FANCE: variants seen among roughly 807,000 people sequenced by gnomAD.
The protein encoded by FANCE is Fanconi anemia group E protein.
In FANCE, 42 loss-of-function variants were observed where a neutral mutation model predicts 57.8. The observed-to-expected ratio is 0.73, with a 90% confidence interval of 0.57 to 0.94. FANCE has a LOEUF of 0.94. FANCE is among the 40% of genes least tolerant of loss of function. FANCE has a pLI of 0.00. For missense variants in FANCE, 608 were observed against 661.8 expected (o/e 0.92, Z 0.89); for synonymous variants, 251 against 286.4 (o/e 0.88, Z 1.25).
In FANCE at chr6:35,466,651, C is replaced by G. The variant is rs1400110700; in HGVS notation, c.*306C>G. 4 of 437,200 alleles carry G rather than the reference C, an allele frequency of 9.1e-6. No individual in the cohort carries two copies. Among genetic ancestry groups the G allele is most frequent in the Admixed American group, 3.6e-5 (1 of 27,588 alleles). The allele number at this position is 437,200 out of a possible 1,614,324, so 27.1% of individuals were successfully genotyped here. A position where few individuals can be genotyped will look rare whatever the true frequency, so the allele number is the denominator to read the frequency against. ...GCGATTGATCATGGCTCACTGTAAC[C>G]TCTGCCTCCCAGGCTCGATCCTCCC... On this transcript the variant is annotated 3_prime_UTR_variant, in exon 10 of 10. Transcript: ENST00000229769.
chr6:35,458,798 A>C (rs986821309), intron 5 of FANCE, among the ~76,000 whole-genome samples: 1 of 151,662 alleles, frequency 6.6e-6, no homozygotes, highest in Non-Finnish European at 1.5e-5. Flanking sequence ...TTATTTATTT[A>C]GAGACGGAGT....
At chr6:35,465,259 C>T (rs949970851) in intron 9 of FANCE, among the ~76,000 whole-genome samples, 29 of 151,924 alleles carry the variant, frequency 1.9e-4, no homozygotes, top group Middle Eastern at 3.4e-3. Flanking sequence ...CTGCAACCTC[C>T]GCCTCCTGGG....
At position 35,455,796 on chromosome 6, in the gene FANCE, T is replaced by G; in HGVS notation, c.298T>G (p.Ser100Ala). ...LPRICQRNLMSLLMAVRPSLP... is the reference protein window; with the variant it reads ...LPRICQRNLMALLMAVRPSLP... ...CCGGATATGCCAGAGGAACCTGATG[T>G]CCCTGCTGATGGCCGTTCGGCCATC... The change falls in exon 2 of 10, where the codon TCC becomes GCC. Residue 100 changes from serine (S) to alanine (A), a missense_variant. Transcript: ENST00000229769. The G allele has an allele frequency of 6.2e-7, 1 of 1,614,166 alleles. No homozygotes were observed. Among genetic ancestry groups the G allele is most frequent in the Non-Finnish European group, 8.5e-7 (1 of 1,180,040 alleles).
chr6:35,460,580 G>A lies in FANCE; in HGVS notation c.1345G>A (p.Glu449Lys). The A allele has an allele frequency of 6.2e-7, 1 of 1,614,146 alleles. No homozygotes were observed. The highest frequency in any genetic ancestry group is 8.5e-7 in the Non-Finnish European group (1 of 1,180,008). Reference protein sequence around the residue: ...GQILELPWKEETFLVLQSLLE... With the variant: ...GQILELPWKEKTFLVLQSLLE... ...GATCTTGGAGCTGCCCTGGAAGGAGGAAACTTTCTTGGTGTTGCAGTCACT... is the reference window on the plus strand; with the variant it reads ...GATCTTGGAGCTGCCCTGGAAGGAGAAAACTTTCTTGGTGTTGCAGTCACT... Residue 449 changes from glutamate to lysine, a missense_variant, in exon 8 of 10, where the codon GAA becomes AAA. Coordinates refer to ENST00000229769, the MANE Select transcript of FANCE (RefSeq NM_021922.3).
chr6:35,466,691 A>G lies in FANCE; in HGVS notation c.*346A>G, dbSNP rs1255433198. The G allele has an allele frequency of 1.4e-5, 6 of 415,600 alleles. No individual in the cohort carries two copies. Among genetic ancestry groups the G allele is most frequent in the Middle Eastern group, 7.1e-4 (1 of 1,412 alleles). 25.7% of individuals were successfully genotyped at this position (415,600 alleles called of 1,614,324 possible). On this transcript the variant is annotated 3_prime_UTR_variant, in exon 10 of 10. Transcript: ENST00000229769. Reference sequence around the variant, plus strand: ...TCGATCCTCCCATGTCAGCCTCCCAAGTAGCTGGGACTACATGCACATGAC... The same window carrying G: ...TCGATCCTCCCATGTCAGCCTCCCAGGTAGCTGGGACTACATGCACATGAC...
rs776579273 is a variant in FANCE at position 35,457,586 on chromosome 6, A to C, written c.886A>C (p.Lys296Gln). The change falls in exon 3 of 10, where the codon AAG (lysine) becomes CAG (glutamine). Residue 296 changes from lysine to glutamine, a missense_variant. Lys to Gln is a moderately conservative substitution (Grantham distance 53). Coordinates refer to ENST00000229769, the MANE Select transcript of FANCE (RefSeq NM_021922.3). ...DQLPRLQQLLKTLEEGLEGLE... is the reference protein window; with the variant it reads ...DQLPRLQQLLQTLEEGLEGLE... The stretch of plus-strand genomic sequence containing the variant: ...GCTTCCCAGGCTGCAGCAGCTGCTG[A>C]AGACCTTGGAGGAGGTGACTGGCCC... 1 of 1,613,910 alleles carries C rather than the reference A, an allele frequency of 6.2e-7. No homozygotes were observed. Among genetic ancestry groups the C allele is most frequent in the Non-Finnish European group, 8.5e-7 (1 of 1,179,998 alleles).
rs1767162683 is a variant in FANCE, at chr6:35,452,779, C to T, written c.234C>T (p.Asp78=). ...CREEPVVQGP[D]GRLELKPLLL... is the part of the protein sequence containing the mutation. The stretch of plus-strand genomic sequence containing the variant: ...AGGAGCCGGTCGTGCAGGGGCCTGA[C>T]GGCCGTCTGGAGCTGTAAGTCCTCG... The change falls in exon 1 of 10, where the codon GAC becomes GAT. Residue 78 remains aspartate, a synonymous_variant. Coordinates refer to ENST00000229769, the MANE Select transcript of FANCE (RefSeq NM_021922.3). The T allele has an allele frequency of 7.7e-7, 1 of 1,304,782 alleles. No homozygotes were observed. Among genetic ancestry groups the T allele is most frequent in the Non-Finnish European group, 9.8e-7 (1 of 1,021,478 alleles). 80.8% of individuals were successfully genotyped at this position (1,304,782 alleles called of 1,614,324 possible).
chr6:35,458,111 C>A (rs555942148), intron 4 of FANCE, 127 bp downstream of exon 4: 20 of 1,201,610 alleles, frequency 1.7e-5, no homozygotes, highest in Non-Finnish European at 2.1e-5. Flanking sequence ...TCTCTCTCAG[C>A]GATAGGGGTC....
At chr6:35,458,015 T>C in intron 4 of FANCE, 31 bp downstream of exon 4, 4 of 1,576,988 alleles carry the variant, frequency 2.5e-6, no homozygotes, top group Non-Finnish European at 3.5e-6. Flanking sequence ...GGCTCTGAGG[T>C]TACATTCTCT....
Position 35,457,562 on chromosome 6 carries a change from C to T in FANCE, c.862C>T (p.Leu288Phe), listed in dbSNP as rs886061329. Residue 288 changes from leucine to phenylalanine, a missense_variant, in exon 3 of 10, where the codon CTT becomes TTT. Physicochemically the swap from Leu to Phe is conservative, Grantham distance 22. Coordinates refer to ENST00000229769, the MANE Select transcript of FANCE (RefSeq NM_021922.3). ...LELPKAIQDQ[L>F]PRLQQLLKTL... ...ACTGGGCTCTCCTCCACAGGACCAG[C>T]TTCCCAGGCTGCAGCAGCTGCTGAA... 3 of 1,613,860 alleles carry T rather than the reference C, an allele frequency of 1.9e-6. No individual in the cohort carries two copies. Among genetic ancestry groups the T allele is most frequent in the Admixed American group, 1.7e-5 (1 of 60,018 alleles).
chr6:35,452,372 C>T lies in FANCE; in HGVS notation c.-174C>T. The T allele has an allele frequency of 3.1e-6, 2 of 652,654 alleles. No individual in the cohort carries two copies. Among genetic ancestry groups the T allele is most frequent in the African/African-American group, 1.9e-5 (1 of 52,678 alleles). 40.4% of individuals were successfully genotyped at this position (652,654 alleles called of 1,614,324 possible). On this transcript the variant is annotated 5_prime_UTR_variant, in exon 1 of 10. Transcript: ENST00000229769. The stretch of plus-strand genomic sequence containing the variant: ...TCCGACAGCGCGGGAACGGCTGCGG[C>T]TTCGGGCGGCCGGGTTTCTCCGGTC...
chr6:35,459,613 C>T (rs956841290), intron 6 of FANCE, 69 bp from the exon 7 acceptor site: 10 of 1,575,968 alleles, frequency 6.3e-6, no homozygotes, highest in African/African-American at 2.7e-5. Context: ...ATTCTGTTAC[C>T]GCCTCCCTGC....
intron 7 of FANCE, 120 bp downstream of exon 7, chr6:35,459,880 C>A (rs553190872): frequency 2.5e-6 from 2 of 794,252 alleles, no homozygotes; most frequent in Non-Finnish European, 4.4e-6. Context: ...TTATGTGTAT[C>A]ATCTCACTCC....
At chr6:35,463,663 CTTT>C (rs756174501) in intron 9 of FANCE, among the ~76,000 whole-genome samples, 5 of 136,316 alleles carry the variant, frequency 3.7e-5, no homozygotes, top group Admixed American at 7.3e-5. Flanking sequence ...GGCTTCCTGA[CTTT>C]TTTTTTTTTT....
intron 4 of FANCE, 122 bp from the exon 5 acceptor site, chr6:35,458,175 A>T: frequency 7.0e-7 from 1 of 1,435,692 alleles, no homozygotes; most frequent in South Asian, 1.2e-5. Context: ...CAGCTCTCCC[A>T]GACTTTCTTT....
chr6:35,460,020 A>C (rs1292983914), intron 7 of FANCE, among the ~76,000 whole-genome samples: 3 of 148,762 alleles, frequency 2.0e-5, no homozygotes, highest in African/African-American at 7.5e-5. Flanking sequence ...GGGGCTCTTG[A>C]GGTTGTGACC....
chr6:35,454,095 G>T (rs558696631), intron 1 of FANCE, among the ~76,000 whole-genome samples: 1 of 148,046 alleles, frequency 6.8e-6, no homozygotes, highest in Non-Finnish European at 1.5e-5. Flanking sequence ...ACGGAATCTT[G>T]CTCTGTTGCC....
rs775767809 is a variant in FANCE, at chr6:35,462,840, AAG to A, written c.1436_1437del (p.Lys479ArgfsTer24). 7.4e-6 allele frequency: 12 copies of A among 1,614,062 alleles called. No homozygotes were observed. The African/African-American group carries it at 1.6e-4, about 22-fold the overall frequency. ...TGTCTTAATGGAGAAGCTCTGTAAA[AAG>A]GGGCTGGCAGCCACCACCTCCATGG... is the stretch of plus-strand genomic sequence containing the variant. The part of the protein sequence containing the change: ...FSVLMEKLCK[K>X]GLAATTSMAY... On this transcript the variant is annotated frameshift_variant, in exon 9 of 10. Coordinates refer to ENST00000229769, the MANE Select transcript of FANCE (RefSeq NM_021922.3). LOFTEE classifies it high-confidence loss of function.
Position 35,456,009 on chromosome 6 carries a change from C to T in FANCE, c.511C>T (p.Leu171=), listed in dbSNP as rs1767318196. ...ACAGCTCCAAAGTCTATGTAGGGGG[C>T]TGGGCCTGGGGGGCAGGAGGTTGAA... is the stretch of plus-strand genomic sequence containing the variant. ...QRQLQSLCRG[L]GLGGRRLKSP... The change falls in exon 2 of 10, where the codon CTG becomes TTG. Residue 171 remains leucine, a synonymous_variant. Coordinates refer to ENST00000229769, the MANE Select transcript of FANCE (RefSeq NM_021922.3). This position sits in a 1 kb window ranked among gnomAD's most constrained non-coding sequence, Gnocchi z 4.3. 1.9e-6 allele frequency: 3 copies of T among 1,612,886 alleles called. No individual in the cohort carries two copies. Among genetic ancestry groups the T allele is most frequent in the Non-Finnish European group, 2.5e-6 (3 of 1,179,644 alleles).
Sources: gnomAD v4.1 joint callset for allele counts (sites outside exome capture counted in the v4.1 genomes callset) on GRCh38, gnomAD v4.1.1 for gene constraint, Gnocchi (gnomAD v3.1) non-coding constraint, MANE v1.5 for transcripts, NCBI Gene and HGNC (gene_info 2026-07-23, HGNC 2026-07-21) for gene names.